GPC5: variants seen among roughly 807,000 people sequenced by gnomAD.
GPC5 encodes glypican 5.
Under a neutral mutation model 53.9 loss-of-function variants are expected in GPC5, and 47 were observed. The observed-to-expected ratio is 0.87, with a 90% CI of 0.69 to 1.11. The LOEUF (loss-of-function observed/expected upper bound fraction) is 1.11. Among genes scored for constraint, GPC5 ranks in the 50% most tolerant of loss-of-function variants. The pLI, the probability that GPC5 is intolerant of heterozygous loss-of-function variation, is 0.00. For missense variants in GPC5, 748 were observed against 713.1 expected (o/e 1.05, Z -0.56); for synonymous variants, 286 against 263.3 (o/e 1.09, Z -0.84).
At chr13:92,063,102 A>G (rs963503672) in intron 6 of GPC5, among the ~76,000 whole-genome samples, 2 of 152,150 alleles carry the variant, frequency 1.3e-5, no homozygotes, top group Admixed American at 1.3e-4. Flanking sequence ...TACCAAATGG[A>G]AAGTAACACT....
At chr13:92,255,912 G>A (rs2042723180) in intron 7 of GPC5, among the ~76,000 whole-genome samples, 1 of 152,020 alleles carries the variant, frequency 6.6e-6, no homozygotes, top group Non-Finnish European at 1.5e-5. Flanking sequence ...AGAAGGAAGG[G>A]AATGACTCTA....
chr13:92,493,276 A>G (rs181165229), intron 7 of GPC5, among the ~76,000 whole-genome samples: 2 of 152,382 alleles, frequency 1.3e-5, no homozygotes, highest in East Asian at 1.9e-4. Flanking sequence ...ATTTATATAC[A>G]TTGACAGGAA....
Position 92,385,437 on chromosome 13 carries a change from C to CATATACAT in GPC5, c.1561+240453_1561+240454insCATATATA, listed in dbSNP as rs1566567452. Reference sequence around the variant, plus strand: ...ATATATATACATATATACATATATACATATATACATATATACATATATACA... The same window carrying CATATACAT: ...ATATATATACATATATACATATATACATATACATATATATACATATATACATATATACA... On this transcript the variant is annotated intron_variant, in intron 7 of 7. Coordinates refer to ENST00000377067, the MANE Select transcript of GPC5 (RefSeq NM_004466.6). Among the ~76,000 whole-genome samples the CATATACAT allele has an allele frequency of 4.7e-5, 3 of 64,090 alleles. 1 individual carries two copies. Among genetic ancestry groups the CATATACAT allele is most frequent in the Non-Finnish European group, 3.1e-5 (1 of 32,210 alleles). The allele number at this position is 64,090 out of a possible 152,430, so 42.0% of individuals were successfully genotyped here. A position where few individuals can be genotyped will look rare whatever the true frequency, so the allele number is the denominator to read the frequency against.
chr13:92,265,117 C>G (rs973583863), intron 7 of GPC5, among the ~76,000 whole-genome samples: 1 of 152,072 alleles, frequency 6.6e-6, no homozygotes, highest in African/African-American at 2.4e-5. Context: ...ATGAATAGAA[C>G]ATGACTTCCT....
intron 6 of GPC5, among the ~76,000 whole-genome samples, chr13:91,952,820 T>G (rs754624434): frequency 6.6e-6 from 1 of 152,134 alleles, no homozygotes; most frequent in Non-Finnish European, 1.5e-5. Context: ...AAACTGAAAC[T>G]GTGAATGCCA....
At chr13:91,978,652 G>A (rs1424594510) in intron 6 of GPC5, among the ~76,000 whole-genome samples, 2 of 152,162 alleles carry the variant, frequency 1.3e-5, no homozygotes, top group Admixed American at 6.5e-5. Flanking sequence ...GGGAGCTAGA[G>A]ACAGTTCAAC....
In GPC5 at chr13:92,086,541, C is replaced by A. The variant is rs992798346; in HGVS notation, c.1402-58289C>A. On this transcript the variant is annotated intron_variant, in intron 6 of 7. Transcript: ENST00000377067. Reference sequence around the variant, plus strand: ...TCACCTTTGACTTCAATACTTGATTCTTTTAGTTCTTTAAAATTTTTATTT... The same window carrying A: ...TCACCTTTGACTTCAATACTTGATTATTTTAGTTCTTTAAAATTTTTATTT... Among the ~76,000 whole-genome samples, 5 of 152,134 alleles carry A rather than the reference C, an allele frequency of 3.3e-5. No homozygotes were observed. The South Asian group carries it at 6.2e-4, about 19-fold the overall frequency.
chr13:91,417,667 A>C (rs1280036160), intron 1 of GPC5, among the ~76,000 whole-genome samples: 1 of 152,206 alleles, frequency 6.6e-6, no homozygotes, highest in Non-Finnish European at 1.5e-5. Flanking sequence ...ATTCCTGTGC[A>C]TCCAGTTAGC....
chr13:91,563,070 A>G (rs1455006872), intron 2 of GPC5, among the ~76,000 whole-genome samples: 1 of 152,192 alleles, frequency 6.6e-6, no homozygotes, highest in Non-Finnish European at 1.5e-5. Flanking sequence ...GCACAAAACA[A>G]TAATAGCTAA....
intron 7 of GPC5, among the ~76,000 whole-genome samples, chr13:92,718,039 G>A (rs1888387653): frequency 6.6e-6 from 1 of 152,068 alleles, no homozygotes. Context: ...TTATTGAAAG[G>A]GCAAACAATA....
At chr13:91,438,861 C>A (rs183688674) in intron 1 of GPC5, among the ~76,000 whole-genome samples, 2 of 152,176 alleles carry the variant, frequency 1.3e-5, no homozygotes, top group African/African-American at 4.8e-5. Context: ...TCGGTAATGG[C>A]GGGCGCCCCT....
At chr13:92,072,562 C>T (rs1023992186) in intron 6 of GPC5, among the ~76,000 whole-genome samples, 4 of 131,676 alleles carry the variant, frequency 3.0e-5, no homozygotes, top group Non-Finnish European at 6.3e-5. Flanking sequence ...CTGTGCCTGG[C>T]CACTAAATTT....
intron 7 of GPC5, among the ~76,000 whole-genome samples, chr13:92,216,836 G>C (rs1427412921): frequency 1.3e-5 from 2 of 152,032 alleles, no homozygotes; most frequent in African/African-American, 4.8e-5. Context: ...AAGATTAGCT[G>C]GGCGTGGTGG....
At chr13:92,555,192 T>C (rs535206263) in intron 7 of GPC5, among the ~76,000 whole-genome samples, 1 of 151,412 alleles carries the variant, frequency 6.6e-6, no homozygotes, top group Admixed American at 6.6e-5. Flanking sequence ...ACATTATCTG[T>C]TTCTACCAAA....
At chr13:91,705,433 G>T (rs1334588789) in intron 3 of GPC5, among the ~76,000 whole-genome samples, 2 of 152,170 alleles carry the variant, frequency 1.3e-5, no homozygotes, top group Non-Finnish European at 1.5e-5. Context: ...TCAATAGAAA[G>T]CATGGTAGGT....
At chr13:91,597,970 A>G (rs2033053551) in intron 2 of GPC5, among the ~76,000 whole-genome samples, 3 of 152,016 alleles carry the variant, frequency 2.0e-5, no homozygotes, top group Admixed American at 6.6e-5. Flanking sequence ...TGTTGAATCC[A>G]CTGTTTCACC....
Position 92,086,944 on chromosome 13 carries a change from C to A in GPC5, c.1402-57886C>A, listed in dbSNP as rs545571076. ...AAAGTGCTGGGATTACAAGTGTGAG[C>A]CACCACACCCAGCCAACCAAATATC... is the stretch of plus-strand genomic sequence containing the variant. On this transcript the variant is annotated intron_variant, in intron 6 of 7. Coordinates refer to ENST00000377067, the MANE Select transcript of GPC5 (RefSeq NM_004466.6). Among the ~76,000 whole-genome samples, 5 of 152,300 alleles carry A rather than the reference C, an allele frequency of 3.3e-5. No homozygotes were observed. In the South Asian group the frequency reaches 1.0e-3, roughly 32 times the overall value.
intron 7 of GPC5, among the ~76,000 whole-genome samples, chr13:92,787,914 G>A (rs1368724696): frequency 1.3e-5 from 2 of 150,128 alleles, no homozygotes; most frequent in African/African-American, 2.4e-5. Context: ...AAGATGAAGA[G>A]GAAGGAGATT....
chr13:91,515,216 T>A (rs766425342), intron 2 of GPC5, among the ~76,000 whole-genome samples: 3 of 152,218 alleles, frequency 2.0e-5, no homozygotes, highest in Non-Finnish European at 2.9e-5. Context: ...AGATATCAAC[T>A]TTATGCTGTA....
Sources: gnomAD v4.1 joint callset for allele counts (sites outside exome capture counted in the v4.1 genomes callset) on GRCh38, gnomAD v4.1.1 for gene constraint, MANE v1.5 for transcripts, NCBI Gene and HGNC (gene_info 2026-07-23, HGNC 2026-07-21) for gene names.